FHIT: variants seen among roughly 807,000 people sequenced by gnomAD.
FHIT encodes the protein bis(5'-adenosyl)-triphosphatase.
Under a neutral mutation model 17.9 loss-of-function variants are expected in FHIT, and 19 were observed. That is an observed-to-expected ratio of 1.06 (90% CI 0.74 to 1.56). The LOEUF is 1.56. FHIT is among the 40% of genes most tolerant of loss of function. The probability of loss-of-function intolerance (pLI) is 0.00; values close to 1 mark genes in which losing one functional copy is unlikely to be tolerated. For missense variants in FHIT, 248 were observed against 189.2 expected (o/e 1.31, Z -1.82); for synonymous variants, 81 against 69.7 (o/e 1.16, Z -0.81).
At chr3:59,936,030 C>G (rs1472334937) in intron 7 of FHIT, among the ~76,000 whole-genome samples, 1 of 152,132 alleles carries the variant, frequency 6.6e-6, no homozygotes, top group African/African-American at 2.4e-5. Context: ...ACATAAATCC[C>G]TTTTAAAAAA....
At chr3:61,212,429 A>C (rs1405714857) in intron 1 of FHIT, among the ~76,000 whole-genome samples, 2 of 152,224 alleles carry the variant, frequency 1.3e-5, no homozygotes, top group Non-Finnish European at 2.9e-5. Context: ...GAATGAAATG[A>C]AGCAAGAAGA....
intron 4 of FHIT, among the ~76,000 whole-genome samples, chr3:60,711,534 T>C (rs2041531780): frequency 6.6e-6 from 1 of 152,036 alleles, no homozygotes; most frequent in African/African-American, 2.4e-5. Context: ...TGAAAAAAAT[T>C]TAGACAAATG....
chr3:60,302,119 A>T (rs1708480504), intron 5 of FHIT, among the ~76,000 whole-genome samples: 1 of 152,180 alleles, frequency 6.6e-6, no homozygotes. Flanking sequence ...ACTGAAGGCC[A>T]CTTTGAATCA....
intron 4 of FHIT, among the ~76,000 whole-genome samples, chr3:60,769,643 G>A (rs1462388368): frequency 6.6e-6 from 1 of 152,232 alleles, no homozygotes; most frequent in Non-Finnish European, 1.5e-5. Flanking sequence ...ACAGGAATCA[G>A]AAGTCGGGTA....
At chr3:61,103,040 T>C (rs930339301) in intron 2 of FHIT, among the ~76,000 whole-genome samples, 51 of 152,256 alleles carry the variant, frequency 3.3e-4, no homozygotes, top group African/African-American at 1.1e-3. Flanking sequence ...GGGCTTTTTG[T>C]GTCTCTATCT....
intron 5 of FHIT, among the ~76,000 whole-genome samples, chr3:60,468,091 T>C (rs2032895203): frequency 6.6e-6 from 1 of 152,146 alleles, no homozygotes; most frequent in Non-Finnish European, 1.5e-5. Context: ...CTATTTTGTC[T>C]GATATAAGCA....
At chr3:59,923,844 G>A (rs1162469974) in intron 7 of FHIT, among the ~76,000 whole-genome samples, 2 of 152,130 alleles carry the variant, frequency 1.3e-5, no homozygotes, top group African/African-American at 4.8e-5. Flanking sequence ...TATTAAAGCC[G>A]AGGCAGGGTG....
At chr3:60,890,362 A>C (rs1480015110) in intron 3 of FHIT, among the ~76,000 whole-genome samples, 3 of 152,176 alleles carry the variant, frequency 2.0e-5, no homozygotes, top group Non-Finnish European at 4.4e-5. Context: ...GCATAGCCGA[A>C]AGCTGAATGC....
chr3:60,276,791 T>C (rs1043483271), intron 5 of FHIT, among the ~76,000 whole-genome samples: 3 of 152,104 alleles, frequency 2.0e-5, no homozygotes, highest in Non-Finnish European at 4.4e-5. Context: ...CGAGCCAGCA[T>C]GTCACAGGGC....
chr3:59,869,484 C>CTTTTTTTTTTCTTTT (rs1702813675), intron 8 of FHIT, among the ~76,000 whole-genome samples: 1 of 105,488 alleles, frequency 9.5e-6, no homozygotes, highest in East Asian at 3.0e-4. Context: ...AAAGAACATC[C>CTTTTTTTTTTCTTTT]TTTTTTTTTT....
At chr3:60,752,961 C>T (rs1366283729) in intron 4 of FHIT, among the ~76,000 whole-genome samples, 2 of 152,296 alleles carry the variant, frequency 1.3e-5, no homozygotes, top group East Asian at 1.9e-4. Flanking sequence ...ACATTACTTT[C>T]GACAGCCCTA....
intron 7 of FHIT, among the ~76,000 whole-genome samples, chr3:59,986,542 C>T (rs1352324239): frequency 6.2e-3 from 17 of 2,736 alleles, no homozygotes; most frequent in African/African-American, 0.01. Flanking sequence ...TATATATATA[C>T]ACACACACAC....
At chr3:60,874,621 G>A (rs2107087789) in intron 3 of FHIT, among the ~76,000 whole-genome samples, 1 of 152,284 alleles carries the variant, frequency 6.6e-6, no homozygotes, top group East Asian at 1.9e-4. Flanking sequence ...AGGAGACTAT[G>A]CATCTGTCAC....
chr3:60,411,001 T>C (rs1434414686), intron 5 of FHIT, among the ~76,000 whole-genome samples: 1 of 152,168 alleles, frequency 6.6e-6, no homozygotes, highest in Non-Finnish European at 1.5e-5. Context: ...TGGAGTAGTG[T>C]GCCAAATGTC....
intron 8 of FHIT, among the ~76,000 whole-genome samples, chr3:59,899,654 C>T (rs9851655): frequency 0.17 from 24,932 of 150,628 alleles, 2,681 homozygotes; most frequent in African/African-American, 0.31. Context: ...GGCAATATGG[C>T]GAAACCCCGT....
intron 5 of FHIT, among the ~76,000 whole-genome samples, chr3:60,110,404 G>C (rs967414480): frequency 6.6e-6 from 1 of 152,092 alleles, no homozygotes; most frequent in East Asian, 1.9e-4. Context: ...TATACTTTCT[G>C]ATCAGGACAA....
At chr3:60,925,788 C>A (rs1559835566) in intron 3 of FHIT, among the ~76,000 whole-genome samples, 4 of 152,010 alleles carry the variant, frequency 2.6e-5, no homozygotes, top group Admixed American at 6.5e-5. Flanking sequence ...GAGTCAAGAC[C>A]CATCAGTGTG....
intron 4 of FHIT, among the ~76,000 whole-genome samples, chr3:60,661,772 G>A (rs1296139043): frequency 2.0e-5 from 3 of 152,260 alleles, no homozygotes; most frequent in African/African-American, 4.8e-5. Context: ...GTATTACATT[G>A]TGGTTTTGAC....
At chr3:60,664,347 T>C (rs2040332747) in intron 4 of FHIT, among the ~76,000 whole-genome samples, 1 of 152,112 alleles carries the variant, frequency 6.6e-6, no homozygotes, top group South Asian at 2.1e-4. Context: ...TCATATTACA[T>C]AATTCTTTTT....
Sources: allele counts gnomAD v4.1 joint callset (sites outside exome capture counted in the v4.1 genomes callset), GRCh38; gene constraint gnomAD v4.1.1; transcripts MANE v1.5; gene names NCBI Gene and HGNC (gene_info 2026-07-23, HGNC 2026-07-21).